Variants in KIF6 observed in about 807,000 individuals in gnomAD.
KIF6 encodes the protein kinesin family member 6, also known as kinesin-like protein KIF6.
KIF6 carries 106 observed loss-of-function variants against 112.7 expected under a neutral mutation model. The ratio of observed to expected loss-of-function variants is 0.94; its 90% CI spans 0.80 to 1.11. The LOEUF is 1.11. KIF6 is among the 50% of genes least tolerant of loss of function. The pLI, the probability that KIF6 is intolerant of heterozygous loss-of-function variation, is 0.00. For synonymous variants in KIF6, 339 were observed against 339.9 expected (o/e 1.00, Z 0.03); for missense variants, 929 against 964.0 (o/e 0.96, Z 0.48).
chr6:39,337,172 C>CTTCCTTCTTTCT (rs1554195076), intron 22 of KIF6, among the ~76,000 whole-genome samples: 75 of 59,498 alleles, frequency 1.3e-3, no homozygotes, highest in Admixed American at 1.8e-3. Context: ...TCTTTCCTTC[C>CTTCCTTCTTTCT]TTCTTTCTTT....
intron 1 of KIF6, among the ~76,000 whole-genome samples, chr6:39,721,928 T>C (rs1790244849): frequency 6.6e-6 from 1 of 151,996 alleles, no homozygotes; most frequent in African/African-American, 2.4e-5. Context: ...AAAGTCATAT[T>C]CCTAAGCAAG....
chr6:39,519,231 C>A (rs1582034820), intron 13 of KIF6, among the ~76,000 whole-genome samples: 1 of 152,042 alleles, frequency 6.6e-6, no homozygotes, highest in South Asian at 2.1e-4. Context: ...TGAAAAACTT[C>A]CAATGGAATA....
intron 13 of KIF6, among the ~76,000 whole-genome samples, chr6:39,493,058 T>G (rs142474727): frequency 6.6e-6 from 1 of 152,300 alleles, no homozygotes; most frequent in East Asian, 1.9e-4. Context: ...GGGTTTTACA[T>G]TTATTAAACA....
chr6:39,403,042 A>T (rs1768822645), intron 15 of KIF6, among the ~76,000 whole-genome samples: 1 of 129,292 alleles, frequency 7.7e-6, no homozygotes, highest in African/African-American at 3.3e-5. Flanking sequence ...TAGAGAAATT[A>T]AAAAAAAAAT....
intron 3 of KIF6, among the ~76,000 whole-genome samples, chr6:39,657,011 A>C (rs1785829422): frequency 6.6e-6 from 1 of 152,020 alleles, no homozygotes; most frequent in African/African-American, 2.4e-5. Context: ...TGGGTGGATC[A>C]CCTGAGGTCA....
Position 39,355,272 on chromosome 6 carries a change from A to C in KIF6, c.2180+2005T>G, listed in dbSNP as rs185432526. Among the ~76,000 whole-genome samples, 4 of 152,246 alleles carry C rather than the reference A, an allele frequency of 2.6e-5. No individual in the cohort carries two copies. The East Asian group carries it at 7.7e-4, about 29-fold the overall frequency. On this transcript the variant is annotated intron_variant, in intron 19 of 22. Transcript: ENST00000287152. ...ATCTGTTTTATATATATACACATAT[A>C]TATGTATCTATATACATTAAACATT...
intron 10 of KIF6, chr6:39,554,035 AT>A (rs1779546728): frequency 6.4e-6 from 1 of 155,748 alleles, no homozygotes; most frequent in African/African-American, 2.4e-5. Context: ...TGGAGAAAAA[AT>A]ATCCAAGAAC....
At chr6:39,676,342 A>G (rs1206353844) in intron 3 of KIF6, among the ~76,000 whole-genome samples, 1 of 152,184 alleles carries the variant, frequency 6.6e-6, no homozygotes, top group Non-Finnish European at 1.5e-5. Context: ...TACTGAGAGA[A>G]CATGCTGTCA....
At chr6:39,427,282 G>A (rs1222902636) in intron 14 of KIF6, among the ~76,000 whole-genome samples, 1 of 152,196 alleles carries the variant, frequency 6.6e-6, no homozygotes, top group Non-Finnish European at 1.5e-5. Context: ...CGGGTTACTG[G>A]AAGGGCATTT....
intron 4 of KIF6, among the ~76,000 whole-genome samples, chr6:39,637,825 G>A (rs946784073): frequency 6.6e-6 from 1 of 152,002 alleles, no homozygotes; most frequent in Admixed American, 6.6e-5. Context: ...AGTTACTCTG[G>A]CTTTAAATTG....
intron 13 of KIF6, among the ~76,000 whole-genome samples, chr6:39,458,229 A>G (rs1369347401): frequency 2.0e-5 from 3 of 150,038 alleles, no homozygotes; most frequent in Non-Finnish European, 4.4e-5. Flanking sequence ...ACGCAAATCA[A>G]TAAATGTAAT....
chr6:39,477,263 G>C (rs1774483728), intron 13 of KIF6, among the ~76,000 whole-genome samples: 1 of 152,182 alleles, frequency 6.6e-6, no homozygotes, highest in Non-Finnish European at 1.5e-5. Context: ...CGGTGGGTAT[G>C]TAAATTAGTA....
intron 13 of KIF6, among the ~76,000 whole-genome samples, chr6:39,480,088 T>C (rs1774700024): frequency 6.6e-6 from 1 of 152,206 alleles, no homozygotes; most frequent in Non-Finnish European, 1.5e-5. Flanking sequence ...CAGTACTATG[T>C]TGAATAGAAG....
chr6:39,710,900 G>A (rs1298834962), intron 3 of KIF6, among the ~76,000 whole-genome samples: 1 of 151,910 alleles, frequency 6.6e-6, no homozygotes, highest in Non-Finnish European at 1.5e-5. Context: ...TAGCATGCAT[G>A]TGTAATTTCA....
intron 16 of KIF6, among the ~76,000 whole-genome samples, chr6:39,377,070 TTC>T (rs1014714215): frequency 6.6e-6 from 1 of 152,074 alleles, no homozygotes; most frequent in Non-Finnish European, 1.5e-5. Flanking sequence ...TTCCGTTGTT[TTC>T]TCTTTTTCTT....
chr6:39,541,972 C>T (rs1189385705), intron 12 of KIF6, among the ~76,000 whole-genome samples: 2 of 152,106 alleles, frequency 1.3e-5, no homozygotes, highest in East Asian at 3.9e-4. Flanking sequence ...GTTGATAGTG[C>T]CAAGGCTGAG....
intron 13 of KIF6, among the ~76,000 whole-genome samples, chr6:39,503,679 C>T (rs1037176151): frequency 6.6e-6 from 1 of 151,886 alleles, no homozygotes; most frequent in Non-Finnish European, 1.5e-5. Flanking sequence ...AAACTACCAT[C>T]AGAGAATATA....
At chr6:39,532,473 C>T (rs534244834) in intron 13 of KIF6, among the ~76,000 whole-genome samples, 1 of 152,202 alleles carries the variant, frequency 6.6e-6, no homozygotes, top group South Asian at 2.1e-4. Flanking sequence ...TCCCAACCAG[C>T]AAAGATGTAT....
intron 13 of KIF6, among the ~76,000 whole-genome samples, chr6:39,488,007 A>ATCTATCTATCTATCTATCTG (rs1367972185): frequency 3.9e-5 from 6 of 151,958 alleles, no homozygotes; most frequent in Non-Finnish European, 8.8e-5. Context: ...CTATCTATCT[A>ATCTATCTATCTATCTATCTG]TCTATCTAAT....
Sources: gnomAD v4.1 joint callset for allele counts (sites outside exome capture counted in the v4.1 genomes callset) on GRCh38, gnomAD v4.1.1 for gene constraint, MANE v1.5 for transcripts, NCBI Gene and HGNC (gene_info 2026-07-23, HGNC 2026-07-21) for gene names.